Variants in SLC25A31 observed in about 807,000 individuals in gnomAD.
The protein encoded by SLC25A31 is solute carrier family 25 member 31.
In SLC25A31, 40 loss-of-function variants were observed where a neutral mutation model predicts 36.2. That is an observed-to-expected ratio of 1.10 (90% CI 0.86 to 1.44). The LOEUF (loss-of-function observed/expected upper bound fraction) is 1.44, where lower values mean the gene tolerates loss of function less well. Ranked by LOEUF, SLC25A31 falls within the 40% of genes most tolerant of loss-of-function variation. The probability of loss-of-function intolerance (pLI) is 0.00; values close to 1 mark genes in which losing one functional copy is unlikely to be tolerated. For missense variants in SLC25A31, 350 were observed against 397.1 expected, an observed-to-expected ratio of 0.88 and a Z score of 1.01; for synonymous variants, 143 against 149.7, an observed-to-expected ratio of 0.96 and a Z score of 0.32.
chr4:127,754,549 A>G (rs75953388), intron 2 of SLC25A31, among the ~76,000 whole-genome samples: 10 of 151,352 alleles, frequency 6.6e-5, no homozygotes, highest in African/African-American at 2.4e-4. Flanking sequence ...AAAAAAAAAA[A>G]ACACAAAATG....
chr4:127,761,507 A>G (rs190031068), intron 2 of SLC25A31, among the ~76,000 whole-genome samples: 1 of 152,184 alleles, frequency 6.6e-6, no homozygotes, highest in African/African-American at 2.4e-5. Context: ...CTATACTCTC[A>G]TCTTTCTCTC....
At chr4:127,736,455 TAG>T (rs1731634943) in intron 1 of SLC25A31, among the ~76,000 whole-genome samples, 1 of 152,238 alleles carries the variant, frequency 6.6e-6, no homozygotes, top group Admixed American at 6.5e-5. Context: ...TCTGTATGAC[TAG>T]AGAGTCAAAA....
At chr4:127,762,700 C>T (rs185861020) in intron 2 of SLC25A31, among the ~76,000 whole-genome samples, 28 of 151,976 alleles carry the variant, frequency 1.8e-4, no homozygotes, top group East Asian at 1.9e-4. Context: ...AGGCGGATCA[C>T]GAGGTCAGGA....
Position 127,742,293 on chromosome 4 carries a change from G to A in SLC25A31, c.233-2379G>A, listed in dbSNP as rs1470764586. Among the ~76,000 whole-genome samples the A allele has an allele frequency of 2.6e-5, 4 of 152,026 alleles. No homozygotes were observed. The East Asian group carries it at 7.7e-4, about 29-fold the overall frequency. ...TTGTCATATCTGAGTTCCTTTCTCA[G>A]GAAACCAACCTTTGGGCCTCCCAGA... On this transcript the variant is annotated intron_variant, in intron 1 of 5. Coordinates refer to ENST00000281154, the MANE Select transcript of SLC25A31 (RefSeq NM_031291.4).
chr4:127,754,436 A>G (rs979160391), intron 2 of SLC25A31, among the ~76,000 whole-genome samples: 8 of 152,168 alleles, frequency 5.3e-5, no homozygotes, highest in South Asian at 2.1e-4. Flanking sequence ...GAATTCAGTA[A>G]AGTCACAGGA....
chr4:127,730,886 C>T (rs1383749237), intron 1 of SLC25A31, 109 bp downstream of exon 1: 30 of 1,021,840 alleles, frequency 2.9e-5, no homozygotes, highest in Non-Finnish European at 4.1e-5. Context: ...ACCACAGCTA[C>T]AGCTGTCGGT....
At chr4:127,758,665 ACC>A (rs1199925994) in intron 2 of SLC25A31, among the ~76,000 whole-genome samples, 1 of 152,040 alleles carries the variant, frequency 6.6e-6, no homozygotes, top group Non-Finnish European at 1.5e-5. Flanking sequence ...AAGGGTAGGG[ACC>A]CAGTTTCATT....
At chr4:127,771,125 T>G (rs576002134) in intron 5 of SLC25A31, among the ~76,000 whole-genome samples, 74 of 151,902 alleles carry the variant, frequency 4.9e-4, no homozygotes, top group Non-Finnish European at 9.3e-4. Context: ...CCCAGCTAAT[T>G]TTTTGTATTT....
intron 2 of SLC25A31, among the ~76,000 whole-genome samples, chr4:127,749,155 C>G (rs1415240067): frequency 2.0e-5 from 3 of 151,172 alleles, no homozygotes. Flanking sequence ...CAGTAGAGAG[C>G]TTTAACAGCT....
intron 2 of SLC25A31, among the ~76,000 whole-genome samples, chr4:127,747,232 G>A (rs1731842559): frequency 6.6e-6 from 1 of 151,826 alleles, no homozygotes; most frequent in Non-Finnish European, 1.5e-5. Context: ...TGATATTTTT[G>A]TTTGGCTATT....
chr4:127,742,917 G>T (rs1049818155), intron 1 of SLC25A31, among the ~76,000 whole-genome samples: 8 of 151,970 alleles, frequency 5.3e-5, no homozygotes, highest in African/African-American at 1.9e-4. Context: ...TAATTTCCAT[G>T]TATTTGTGAA....
At chr4:127,743,886 G>A (rs1055949109) in intron 1 of SLC25A31, among the ~76,000 whole-genome samples, 26 of 152,142 alleles carry the variant, frequency 1.7e-4, no homozygotes, top group Middle Eastern at 3.4e-3. Flanking sequence ...GGTATTCTCC[G>A]AACTGGTGCT....
intron 2 of SLC25A31, among the ~76,000 whole-genome samples, chr4:127,758,350 C>T (rs1320327389): frequency 5.3e-5 from 8 of 151,970 alleles, no homozygotes; most frequent in Non-Finnish European, 1.2e-4. Flanking sequence ...TTTTTCTGGT[C>T]AATTTATTTA....
intron 3 of SLC25A31, among the ~76,000 whole-genome samples, chr4:127,765,750 T>A (rs1253970741): frequency 1.3e-5 from 2 of 152,022 alleles, no homozygotes; most frequent in Non-Finnish European, 2.9e-5. Context: ...TAGAAGAGAG[T>A]GATAGCAGTT....
chr4:127,773,350 C>T (rs1267192110), intron 5 of SLC25A31, 36 bp from the exon 6 acceptor site: 1 of 1,561,910 alleles, frequency 6.4e-7, no homozygotes, highest in Non-Finnish European at 8.7e-7. Context: ...AAAAGATATT[C>T]AGATAATGGA....
rs548036680 is a variant in SLC25A31, at chr4:127,732,120, C to T, written c.232+1343C>T. On this transcript the variant is annotated intron_variant, in intron 1 of 5. Transcript: ENST00000281154. Reference sequence around the variant, plus strand: ...TATAATCCACCCATATAGTTGGATTCAATAGAAAAATCTGTATGATCTTTT... The same window carrying T: ...TATAATCCACCCATATAGTTGGATTTAATAGAAAAATCTGTATGATCTTTT... 9.9e-5 allele frequency among the ~76,000 whole-genome samples: 15 copies of T among 152,258 alleles called. No individual in the cohort carries two copies. In the South Asian group the frequency reaches 2.9e-3, roughly 29 times the overall value.
chr4:127,742,678 T>C (rs1454694385), intron 1 of SLC25A31, among the ~76,000 whole-genome samples: 1 of 152,212 alleles, frequency 6.6e-6, no homozygotes, highest in Non-Finnish European at 1.5e-5. Context: ...TCTCTCTCCT[T>C]CTTCTAACTT....
chr4:127,766,560 C>T (rs1425862097), intron 3 of SLC25A31, among the ~76,000 whole-genome samples: 1 of 151,906 alleles, frequency 6.6e-6, no homozygotes, highest in African/African-American at 2.4e-5. Flanking sequence ...TACGGTGGCA[C>T]AATCATAGCT....
At chr4:127,770,727 A>G (rs534048509) in intron 5 of SLC25A31, among the ~76,000 whole-genome samples, 180 of 152,168 alleles carry the variant, frequency 1.2e-3, no homozygotes, top group African/African-American at 4.2e-3. Flanking sequence ...AAATGGGAAT[A>G]TGAGTCTTAT....
Sources: gnomAD v4.1 joint callset for allele counts (sites outside exome capture counted in the v4.1 genomes callset) on GRCh38, gnomAD v4.1.1 for gene constraint, MANE v1.5 for transcripts, NCBI Gene and HGNC (gene_info 2026-07-23, HGNC 2026-07-21) for gene names.